Variants in GPATCH8 observed in about 807,000 individuals in gnomAD.
GPATCH8 encodes G patch domain-containing protein 8.
Under a neutral mutation model 118.3 loss-of-function variants are expected in GPATCH8, and 18 were observed. The ratio of observed to expected loss-of-function variants is 0.15; its 90% confidence interval spans 0.11 to 0.23. GPATCH8 has a LOEUF of 0.23. Ranked by LOEUF, GPATCH8 falls within the 10% of genes least tolerant of loss-of-function variation. GPATCH8 has a pLI of 1.00. For missense variants in GPATCH8, 1,631 were observed against 1,873.8 expected, an observed-to-expected ratio of 0.87 and a Z score of 2.39; for synonymous variants, 659 against 684.7, an observed-to-expected ratio of 0.96 and a Z score of 0.59.
chr17:44,467,665 A>G (rs1463614781), intron 2 of GPATCH8, among the ~76,000 whole-genome samples: 1 of 152,164 alleles, frequency 6.6e-6, no homozygotes, highest in African/African-American at 2.4e-5. Flanking sequence ...CTTTCCTATC[A>G]TTTCAAACTA....
chr17:44,429,671 C>CACACACACACACACACACACAA (rs2050224919), intron 5 of GPATCH8, among the ~76,000 whole-genome samples: 1 of 150,686 alleles, frequency 6.6e-6, no homozygotes, highest in Non-Finnish European at 1.5e-5. Context: ...CACACACACA[C>CACACACACACACACACACACAA]ACACACACAC....
chr17:44,486,045 T>C (rs578155730), intron 1 of GPATCH8: 1 of 152,172 alleles, frequency 6.6e-6, no homozygotes, highest in Non-Finnish European at 1.5e-5. Context: ...CAGGCATGTA[T>C]TAGCACACCT....
At chr17:44,429,291 G>A (rs551578062) in intron 5 of GPATCH8, among the ~76,000 whole-genome samples, 12 of 152,230 alleles carry the variant, frequency 7.9e-5, no homozygotes, top group African/African-American at 2.9e-4. Context: ...ACCCTTCCAT[G>A]AATCTGAAGC....
chr17:44,461,752 G>GGTGC (rs1177499158), intron 3 of GPATCH8, among the ~76,000 whole-genome samples: 3 of 152,018 alleles, frequency 2.0e-5, no homozygotes, highest in Non-Finnish European at 4.4e-5. Context: ...AGAGCGTAGT[G>GGTGC]GTGCGATCAA....
At chr17:44,434,522 G>A (rs1195464814) in intron 5 of GPATCH8, among the ~76,000 whole-genome samples, 2 of 152,182 alleles carry the variant, frequency 1.3e-5, no homozygotes, top group East Asian at 3.8e-4. Context: ...TGGCCAACAT[G>A]GTGAAACCCC....
chr17:44,489,059 CA>C (rs537877712), intron 1 of GPATCH8, among the ~76,000 whole-genome samples: 1 of 150,390 alleles, frequency 6.6e-6, no homozygotes, highest in East Asian at 2.0e-4. Context: ...ACTCCCATCT[CA>C]AAAAAAACAA....
At chr17:44,447,756 A>G (rs1260892631) in intron 3 of GPATCH8, among the ~76,000 whole-genome samples, 1 of 152,068 alleles carries the variant, frequency 6.6e-6, no homozygotes, top group East Asian at 1.9e-4. Flanking sequence ...CCTCCCAAGT[A>G]GCTAGGGCTA....
chr17:44,484,658 CCA>C (rs1968631624), intron 1 of GPATCH8, among the ~76,000 whole-genome samples: 1 of 152,098 alleles, frequency 6.6e-6, no homozygotes, highest in South Asian at 2.1e-4. Flanking sequence ...TTCTAGGATC[CCA>C]CAGAGGATAC....
At chr17:44,456,257 C>T (rs2051326699) in intron 3 of GPATCH8, among the ~76,000 whole-genome samples, 2 of 152,132 alleles carry the variant, frequency 1.3e-5, no homozygotes, top group South Asian at 2.1e-4. Flanking sequence ...GCTAGGACTA[C>T]AGGCGTGTGC....
At chr17:44,491,451 G>A (rs1302032758) in intron 1 of GPATCH8, among the ~76,000 whole-genome samples, 2 of 139,458 alleles carry the variant, frequency 1.4e-5, no homozygotes, top group African/African-American at 5.5e-5. Context: ...TTGCGCCACT[G>A]CACTCCAGCC....
Position 44,503,329 on chromosome 17 carries a change from A to G in GPATCH8, c.42T>C (p.Phe14=), listed in dbSNP as rs1156889605. ...RFSRFNEDRD[F]QGNHFDQYEE... ...CCTCGGCGACGCCCGTGTTTACCTG[A>G]AAGTCTCGGTCTTCGTTGAAGCGGG... Residue 14 remains phenylalanine (F), a synonymous_variant, in exon 1 of 8, where the codon TTT becomes TTC. Coordinates refer to ENST00000591680, the MANE Select transcript of GPATCH8 (RefSeq NM_001002909.4). The G allele has an allele frequency of 6.2e-7, 1 of 1,610,798 alleles. No individual in the cohort carries two copies. Among genetic ancestry groups the G allele is most frequent in the African/African-American group, 1.3e-5 (1 of 74,878 alleles).
At chr17:44,475,366 C>T (rs923141818) in intron 1 of GPATCH8, among the ~76,000 whole-genome samples, 5 of 137,778 alleles carry the variant, frequency 3.6e-5, no homozygotes, top group Non-Finnish European at 4.6e-5. Flanking sequence ...GGCAACAGAA[C>T]GAGACTCCAT....
chr17:44,503,232 A>G, intron 1 of GPATCH8, 94 bp downstream of exon 1: 3 of 1,201,360 alleles, frequency 2.5e-6, no homozygotes, highest in Non-Finnish European at 3.6e-6. Flanking sequence ...AGTCGGAGCA[A>G]AACTGGAAGG....
At chr17:44,480,870 TCAAAAA>T (rs71275958) in intron 1 of GPATCH8, among the ~76,000 whole-genome samples, 5 of 151,206 alleles carry the variant, frequency 3.3e-5, no homozygotes, top group African/African-American at 4.9e-5. Flanking sequence ...GACTCCAGTC[TCAAAAA>T]CAAAAACAAA....
rs1018574950 is a variant in GPATCH8, at chr17:44,396,958, T to C, written c.*610A>G. The C allele has an allele frequency of 8.8e-6, 4 of 453,898 alleles. No homozygotes were observed. Among genetic ancestry groups the C allele is most frequent in the Non-Finnish European group, 1.8e-5 (4 of 226,792 alleles). 28.1% of individuals were successfully genotyped at this position (453,898 alleles called of 1,614,324 possible). A position where few individuals can be genotyped will look rare whatever the true frequency, so the allele number is the denominator to read the frequency against. On this transcript the variant is annotated 3_prime_UTR_variant, in exon 8 of 8. Transcript: ENST00000591680. The stretch of plus-strand genomic sequence containing the variant: ...GATACCAAGATAACAGTGCCAAATG[T>C]GTGGCTCCGTTGATGTGGGAACTGG...
At chr17:44,477,188 T>C (rs1228542936) in intron 1 of GPATCH8, among the ~76,000 whole-genome samples, 2 of 152,220 alleles carry the variant, frequency 1.3e-5, no homozygotes, top group African/African-American at 4.8e-5. Flanking sequence ...ATTTGCCAAA[T>C]TGTATAGTAA....
chr17:44,483,855 G>GTTGTTGTTGTTT (rs1968558086), intron 1 of GPATCH8, among the ~76,000 whole-genome samples: 2 of 149,808 alleles, frequency 1.3e-5, no homozygotes, highest in Non-Finnish European at 3.0e-5. Context: ...TGTTGTTGTT[G>GTTGTTGTTGTTT]TTTTGAGACA....
At chr17:44,405,494 C>A (rs2143695523) in intron 7 of GPATCH8, among the ~76,000 whole-genome samples, 1 of 141,692 alleles carries the variant, frequency 7.1e-6, no homozygotes, top group Middle Eastern at 3.6e-3. Context: ...AGGCGTGAAC[C>A]ACCATGCCCG....
chr17:44,488,223 C>CT (rs927607960), intron 1 of GPATCH8, among the ~76,000 whole-genome samples: 45,821 of 101,296 alleles, frequency 0.45, 11,858 homozygotes, highest in Middle Eastern at 0.57. Context: ...GTGCCTGACC[C>CT]TTTTTTTTTT....
Sources: allele counts gnomAD v4.1 joint callset (sites outside exome capture counted in the v4.1 genomes callset), GRCh38; gene constraint gnomAD v4.1.1; transcripts MANE v1.5; gene names NCBI Gene and HGNC (gene_info 2026-07-23, HGNC 2026-07-21).